The following FLNB variants were observed in gnomAD, a reference collection of about 807,000 sequenced individuals.
FLNB encodes filamin B, also known as filamin-B.
Under a neutral mutation model 250.6 loss-of-function variants are expected in FLNB, and 111 were observed. That is an observed-to-expected ratio of 0.44 (90% CI 0.38 to 0.52). The LOEUF (loss-of-function observed/expected upper bound fraction) is 0.52, where lower values mean the gene tolerates loss of function less well. Ranked by LOEUF, FLNB falls within the 20% of genes least tolerant of loss-of-function variation. The pLI is 0.00. For synonymous variants in FLNB, 1,302 were observed against 1,372.1 expected (o/e 0.95, Z 1.13); for missense variants, 2,869 against 3,447.8 (o/e 0.83, Z 4.20).
intron 1 of FLNB, among the ~76,000 whole-genome samples, chr3:58,032,598 G>A (rs1300366171): frequency 6.6e-6 from 1 of 152,094 alleles, no homozygotes; most frequent in African/African-American, 2.4e-5. Context: ...TCTAGAGTAG[G>A]GCTGGTTCAA....
chr3:58,084,241 G>A (rs1281770002), intron 4 of FLNB, among the ~76,000 whole-genome samples: 1 of 151,678 alleles, frequency 6.6e-6, no homozygotes, highest in East Asian at 1.9e-4. Context: ...ACAGGTGGTG[G>A]CTGGAATGAG....
chr3:58,118,492 A>T (rs983576852), intron 18 of FLNB, among the ~76,000 whole-genome samples: 1 of 152,110 alleles, frequency 6.6e-6, no homozygotes, highest in East Asian at 1.9e-4. Context: ...AAGGTGTGTG[A>T]CTTGGGGCAC....
At chr3:58,039,262 G>A (rs1363201525) in intron 1 of FLNB, among the ~76,000 whole-genome samples, 2 of 149,248 alleles carry the variant, frequency 1.3e-5, no homozygotes, top group Non-Finnish European at 1.5e-5. Flanking sequence ...ATCAGACTTT[G>A]TGGGTTTGGT....
intron 4 of FLNB, among the ~76,000 whole-genome samples, chr3:58,088,417 T>C (rs558887296): frequency 1.3e-5 from 2 of 152,256 alleles, no homozygotes; most frequent in South Asian, 2.1e-4. Flanking sequence ...CCTGGGAAGA[T>C]GGAATAGGAC....
chr3:58,121,964 T>C (rs2097289460), intron 20 of FLNB, among the ~76,000 whole-genome samples: 1 of 147,630 alleles, frequency 6.8e-6, no homozygotes, highest in South Asian at 2.1e-4. Context: ...GGTCAGGAGA[T>C]CAAGACCATC....
In FLNB at chr3:58,164,339, G is replaced by C. The variant is rs2097366855; in HGVS notation, c.7198+1009G>C. ...TGCCAGGGTGGAGAGTCAGTCCTTA[G>C]TCTTTGCAGGGGAAGTGCGCAGTGT... On this transcript the variant is annotated intron_variant, in intron 43 of 45. Transcript: ENST00000295956. This position sits in a 1 kb window ranked among gnomAD's most constrained non-coding sequence, Gnocchi z 4.0. 1 of 152,326 alleles carries C rather than the reference G, an allele frequency of 6.6e-6. No homozygotes were observed. The highest frequency in any genetic ancestry group is 2.4e-5 in the African/African-American group (1 of 41,454). 9.4% of individuals were successfully genotyped at this position (152,326 alleles called of 1,614,324 possible). A position where few individuals can be genotyped will look rare whatever the true frequency, so the allele number is the denominator to read the frequency against.
Position 58,111,775 on chromosome 3 carries a change from T to A in FLNB, c.2485-16T>A, listed in dbSNP as rs2097269164. 1.9e-6 allele frequency: 3 copies of A among 1,602,362 alleles called. No individual in the cohort carries two copies. In the African/African-American group the frequency reaches 4.0e-5, roughly 21 times the overall value. The stretch of plus-strand genomic sequence containing the variant: ...GCTTCAGGGGCTTTCCTACTAAGAC[T>A]GTGTCTCTGCTACAGGAAATCCCCG... On this transcript the variant is annotated splice_polypyrimidine_tract_variant and intron_variant, in intron 16 of 45. Coordinates refer to ENST00000295956, the MANE Select transcript of FLNB (RefSeq NM_001457.4).
At chr3:58,044,151 C>CT (rs987633435) in intron 1 of FLNB, among the ~76,000 whole-genome samples, 2 of 152,140 alleles carry the variant, frequency 1.3e-5, no homozygotes, top group Non-Finnish European at 2.9e-5. Context: ...CAGTTGTGGA[C>CT]TGAGAGGTGA....
intron 28 of FLNB, among the ~76,000 whole-genome samples, chr3:58,137,267 G>A (rs1451555402): frequency 1.3e-5 from 2 of 152,126 alleles, no homozygotes; most frequent in Non-Finnish European, 2.9e-5. Flanking sequence ...CTCACCCATG[G>A]CAAAAAATGG....
chr3:58,109,755 T>C, intron 15 of FLNB, 56 bp downstream of exon 15: 1 of 1,612,440 alleles, frequency 6.2e-7, no homozygotes, highest in South Asian at 1.1e-5. Context: ...AAGGCAGTTC[T>C]TTTCATAACG....
rs1576707069 is a variant in FLNB, at chr3:58,094,839, T to A, written c.791T>A (p.Ile264Asn). Residue 264 changes from isoleucine to asparagine, a missense_variant, in exon 5 of 46, where the codon ATC becomes AAC. Around this residue, in one of 5 missense-constraint regions of FLNB, gnomAD observed 308 missense variants for 466.1 expected, o/e 0.66. Transcript: ENST00000295956. Reference protein sequence around the residue: ...PKKARAYGRGIEPTGNMVKQP... With the variant: ...PKKARAYGRGNEPTGNMVKQP... ...TGTCTGTGTAAACCTGTGGCAGGAATCGAGCCCACTGGAAACATGGTGAAG... is the reference window on the plus strand; with the variant it reads ...TGTCTGTGTAAACCTGTGGCAGGAAACGAGCCCACTGGAAACATGGTGAAG... 1 of 1,613,846 alleles carries A rather than the reference T, an allele frequency of 6.2e-7. No individual in the cohort carries two copies. The highest frequency in any genetic ancestry group is 8.5e-7 in the Non-Finnish European group (1 of 1,179,786).
Position 58,123,124 on chromosome 3 carries a change from G to T in FLNB, c.3158G>T (p.Gly1053Val). 1 of 1,614,196 alleles carries T rather than the reference G, an allele frequency of 6.2e-7. No individual in the cohort carries two copies. Among genetic ancestry groups the T allele is most frequent in the Non-Finnish European group, 8.5e-7 (1 of 1,180,030 alleles). ...GCCCACGGTCCCGGCCTCGAAGGTG[G>T]TCTCGTGGGCAAGCCTGCCGAGTTC... ...VKAHGPGLEG[G>V]LVGKPAEFTI... Residue 1053 changes from glycine to valine, a missense_variant, in exon 21 of 46, where the codon GGT becomes GTT. Gly to Val is a moderately radical substitution (Grantham distance 109). Transcript: ENST00000295956.
chr3:58,034,473 A>G (rs1393643810), intron 1 of FLNB, among the ~76,000 whole-genome samples: 1 of 151,796 alleles, frequency 6.6e-6, no homozygotes, highest in Non-Finnish European at 1.5e-5. Flanking sequence ...TCCCTGCTAC[A>G]GGCCAGAGAC....
chr3:58,109,818 C>T, intron 15 of FLNB, 119 bp downstream of exon 15: 2 of 1,420,930 alleles, frequency 1.4e-6, no homozygotes, highest in African/African-American at 1.4e-5. Flanking sequence ...TAATCATCTA[C>T]TGAGCCTCTG....
rs866022037 is a variant in FLNB at position 58,155,968 on chromosome 3, G to A, written c.6781G>A (p.Glu2261Lys). 2 of 1,611,434 alleles carry A rather than the reference G, an allele frequency of 1.2e-6. No homozygotes were observed. Among genetic ancestry groups the A allele is most frequent in the South Asian group, 1.1e-5 (1 of 91,038 alleles). ...SYIAQEPGNY[E>K]VSIKFNDEHI... is the part of the protein sequence containing the mutation. ...CTTTCCTGTCCTCATAGGTAACTAC[G>A]AGGTGTCCATCAAGTTCAATGATGA... The change falls in exon 41 of 46, where the codon GAG (glutamate) becomes AAG (lysine). Residue 2261 changes from glutamate to lysine, a missense_variant. Transcript: ENST00000295956.
At position 58,098,869 on chromosome 3, in the gene FLNB, A is replaced by C. The variant is rs1438038906; in HGVS notation, c.1306A>C (p.Thr436Pro). The change falls in exon 8 of 46, where the codon ACT (threonine) becomes CCT (proline). Residue 436 changes from threonine (T) to proline (P), a missense_variant. Thr to Pro is a conservative substitution (Grantham distance 38). Coordinates refer to ENST00000295956, the MANE Select transcript of FLNB (RefSeq NM_001457.4). Reference sequence around the variant, plus strand: ...GGTCAAGATCTTCTTTGCTGGGGACACTATTCCTAAGAGTCCCTTCGTTGT... The same window carrying C: ...GGTCAAGATCTTCTTTGCTGGGGACCCTATTCCTAAGAGTCCCTTCGTTGT... Reference protein sequence around the residue: ...HVVKIFFAGDTIPKSPFVVQV... With the variant: ...HVVKIFFAGDPIPKSPFVVQV... The C allele has an allele frequency of 1.2e-6, 2 of 1,614,046 alleles. No homozygotes were observed. The highest frequency in any genetic ancestry group is 2.2e-5 in the South Asian group (2 of 91,080).
chr3:58,162,512 G>T (rs2107317590), intron 42 of FLNB: 1 of 152,840 alleles, frequency 6.5e-6, no homozygotes, highest in Middle Eastern at 3.4e-3. Context: ...CCTTCAAGTG[G>T]CCAAATAGAG....
intron 29 of FLNB, among the ~76,000 whole-genome samples, chr3:58,140,206 G>A (rs1353169073): frequency 6.6e-6 from 1 of 152,186 alleles, no homozygotes; most frequent in Non-Finnish European, 1.5e-5. Context: ...GACCAGCACT[G>A]CAGTCATAGC....
intron 11 of FLNB, 45 bp downstream of exon 11, chr3:58,105,261 T>C (rs2097257753): frequency 1.2e-6 from 2 of 1,613,202 alleles, no homozygotes; most frequent in African/African-American, 1.3e-5. Context: ...GACTGAGGAT[T>C]ACAGGGCTTC....
Sources: gnomAD v4.1 joint callset for allele counts (sites outside exome capture counted in the v4.1 genomes callset) on GRCh38, gnomAD v4.1.1 for gene constraint, gnomAD v4.1.1 regional missense constraint, Gnocchi (gnomAD v3.1) non-coding constraint, MANE v1.5 for transcripts, NCBI Gene and HGNC (gene_info 2026-07-23, HGNC 2026-07-21) for gene names.